The following KCNAB2 variants were observed in gnomAD, a reference collection of about 807,000 sequenced individuals.
KCNAB2 encodes the protein potassium voltage-gated channel subfamily A regulatory beta subunit 2, also known as voltage-gated potassium channel subunit beta-2.
KCNAB2 carries 29 observed loss-of-function variants against 63.6 expected under a neutral mutation model. The ratio of observed to expected loss-of-function variants is 0.46; its 90% CI spans 0.34 to 0.62. KCNAB2 has a LOEUF of 0.62. Ranked by LOEUF, KCNAB2 falls within the 20% of genes least tolerant of loss-of-function variation. KCNAB2 has a pLI of 0.01. For synonymous variants in KCNAB2, 222 were observed against 224.2 expected (o/e 0.99, Z 0.09); for missense variants, 359 against 563.9 (o/e 0.64, Z 3.68).
At chr1:6,040,415 C>T in intron 1 of KCNAB2, 1 of 667,156 alleles carries the variant, frequency 1.5e-6, no homozygotes, top group East Asian at 2.7e-5. Context: ...TGAACCCAGA[C>T]AGCCTCCTCA....
chr1:6,086,441 G>C lies in KCNAB2; in HGVS notation c.426-1026G>C. 3.2e-6 allele frequency: 3 copies of C among 925,476 alleles called. No homozygotes were observed. Among genetic ancestry groups the C allele is most frequent in the Non-Finnish European group, 3.9e-6 (3 of 775,270 alleles). The allele number at this position is 925,476 out of a possible 1,614,324, so 57.3% of individuals were successfully genotyped here. On this transcript the variant is annotated intron_variant, in intron 6 of 15. Transcript: ENST00000378083. The surrounding 1 kb of genome is among the most constrained non-coding windows in gnomAD (Gnocchi z 4.2). ...GGTGATCCCCCTTCCTGGAGGTGAC[G>C]CTGCCTCTGCCAGAGCTCTGTGGCC...
intron 1 of KCNAB2, among the ~76,000 whole-genome samples, chr1:6,039,503 A>G (rs1660324100): frequency 6.6e-6 from 1 of 152,106 alleles, no homozygotes; most frequent in Non-Finnish European, 1.5e-5. Context: ...ACGGCTGGAT[A>G]TTGGCAGCCA....
intron 1 of KCNAB2, among the ~76,000 whole-genome samples, chr1:6,039,692 A>G (rs139808430): frequency 0.015 from 2,241 of 151,684 alleles, 51 homozygotes; most frequent in African/African-American, 0.049. Context: ...CACCTTGGAA[A>G]CCTCTGGTAG....
chr1:6,059,223 C>T (rs1420035715), intron 2 of KCNAB2, among the ~76,000 whole-genome samples: 1 of 152,146 alleles, frequency 6.6e-6, no homozygotes, highest in East Asian at 1.9e-4. Context: ...CAGCGCCTTG[C>T]TCTGTCGCCC....
chr1:6,075,457 G>A (rs1663578944), intron 4 of KCNAB2, among the ~76,000 whole-genome samples: 1 of 152,260 alleles, frequency 6.6e-6, no homozygotes, highest in East Asian at 1.9e-4. Flanking sequence ...ATGACACCAA[G>A]CTGGAAGGAC....
chr1:6,084,620 A>T (rs566390588), intron 5 of KCNAB2, among the ~76,000 whole-genome samples: 9 of 152,286 alleles, frequency 5.9e-5, no homozygotes, highest in Admixed American at 3.3e-4. Flanking sequence ...GTTCGAGACC[A>T]GCCTGGCCAA....
At chr1:6,060,065 C>T (rs558783982) in intron 2 of KCNAB2, among the ~76,000 whole-genome samples, 1 of 152,234 alleles carries the variant, frequency 6.6e-6, no homozygotes, top group South Asian at 2.1e-4. Context: ...CTCCCACCAT[C>T]TGATGCGCCC....
At chr1:6,079,042 G>A (rs1663962510) in intron 4 of KCNAB2, among the ~76,000 whole-genome samples, 1 of 152,190 alleles carries the variant, frequency 6.6e-6, no homozygotes, top group Admixed American at 6.5e-5. Context: ...GGAAGCCGCG[G>A]CAGGGGCTGA....
intron 1 of KCNAB2, among the ~76,000 whole-genome samples, chr1:6,050,968 G>A (rs907004018): frequency 1.3e-5 from 2 of 152,210 alleles, no homozygotes; most frequent in Non-Finnish European, 2.9e-5. Flanking sequence ...CCCATGTTGG[G>A]GCCACCTGGC....
rs1047535355 is a variant in KCNAB2, at chr1:6,078,992, G to A, written c.301-3203G>A. On this transcript the variant is annotated intron_variant, in intron 4 of 15. Transcript: ENST00000378083. The surrounding 1 kb of genome is among the most constrained non-coding windows in gnomAD (Gnocchi z 4.2). ...GGCTCAGAGCAGGGTGGGCACCGTG[G>A]AGGTGGGGAGACGGGTCAGATTCTG... is the stretch of plus-strand genomic sequence containing the variant. Among the ~76,000 whole-genome samples the A allele has an allele frequency of 1.5e-4, 23 of 152,338 alleles. No homozygotes were observed. The highest frequency in any genetic ancestry group is 1.3e-3 in the Admixed American group (20 of 15,300).
intron 2 of KCNAB2, among the ~76,000 whole-genome samples, chr1:6,058,319 G>A (rs149733711): frequency 6.5e-4 from 99 of 152,210 alleles, no homozygotes; most frequent in African/African-American, 2.3e-3. Context: ...GACACATTTC[G>A]ACCTGCCACA....
intron 5 of KCNAB2, among the ~76,000 whole-genome samples, chr1:6,082,531 C>T (rs1205042388): frequency 6.6e-6 from 1 of 152,194 alleles, no homozygotes; most frequent in Non-Finnish European, 1.5e-5. Context: ...GCCAAAGATG[C>T]TGTGCTGGGT....
At chr1:6,015,468 C>T (rs59531860) in intron 1 of KCNAB2, among the ~76,000 whole-genome samples, 31,710 of 152,134 alleles carry the variant, frequency 0.21, 3,622 homozygotes, top group Non-Finnish European at 0.26. Context: ...GCTTTTGCAC[C>T]CAGAGTTGAG....
At position 6,071,076 on chromosome 1, in the gene KCNAB2, T is replaced by A. The variant is rs2100647658; in HGVS notation, c.219-1679T>A. ...TGCTTACAAATATTATATCCACTCA[T>A]GAGTTAGGAGTCCAGGAGCCTTATA... On this transcript the variant is annotated intron_variant, in intron 2 of 15. Coordinates refer to ENST00000378083, the MANE Select transcript of KCNAB2 (RefSeq NM_001199862.2). The surrounding 1 kb of genome is among the most constrained non-coding windows in gnomAD (Gnocchi z 8.5). Among the ~76,000 whole-genome samples, 1 of 152,304 alleles carries A rather than the reference T, an allele frequency of 6.6e-6. No homozygotes were observed. The highest frequency in any genetic ancestry group is 2.1e-4 in the South Asian group (1 of 4,828).
At chr1:6,019,098 C>T (rs1658675789) in intron 1 of KCNAB2, among the ~76,000 whole-genome samples, 1 of 152,056 alleles carries the variant, frequency 6.6e-6, no homozygotes. Flanking sequence ...CTGAGACCAG[C>T]CTGGGCAACA....
rs1420651758 is a variant in KCNAB2 at position 6,096,951 on chromosome 1, G to A, written c.1069+195G>A. Reference sequence around the variant, plus strand: ...GGTTGGGACCCCATGCCTCTAGGGGGATGTCAGGAGTCCCTGAGGACCTGG... The same window carrying A: ...GGTTGGGACCCCATGCCTCTAGGGGAATGTCAGGAGTCCCTGAGGACCTGG... On this transcript the variant is annotated intron_variant, in intron 14 of 15. Coordinates refer to ENST00000378083, the MANE Select transcript of KCNAB2 (RefSeq NM_001199862.2). This position sits in a 1 kb window ranked among gnomAD's most constrained non-coding sequence, Gnocchi z 5.9. 2.6e-5 allele frequency among the ~76,000 whole-genome samples: 4 copies of A among 152,172 alleles called. No homozygotes were observed. Among genetic ancestry groups the A allele is most frequent in the Admixed American group, 2.6e-4 (4 of 15,292 alleles).
At chr1:6,095,183 T>C in intron 11 of KCNAB2, 140 bp from the exon 12 acceptor site, 1 of 856,670 alleles carries the variant, frequency 1.2e-6, no homozygotes, top group South Asian at 1.7e-5. Flanking sequence ...AAGCTATGAG[T>C]GTGAGCAGTG....
At chr1:6,044,095 G>C (rs559300851), upstream of KCNAB2, among the ~76,000 whole-genome samples, 207 of 152,310 alleles carry the variant, frequency 1.4e-3, no homozygotes, top group Non-Finnish European at 2.5e-3. Context: ...TCAGAGCGCT[G>C]TCACCTCTGC....
chr1:6,017,406 C>CTGTGTGTGTGTGTGTGTGTGTGTGTG (rs56202547), intron 1 of KCNAB2, among the ~76,000 whole-genome samples: 1 of 147,188 alleles, frequency 6.8e-6, no homozygotes, highest in African/African-American at 2.5e-5. Context: ...CCATACCTGG[C>CTGTGTGTGTGTGTGTGTGTGTGTGTG]TGTGTGTGTG....
Sources: gnomAD v4.1 joint callset for allele counts (sites outside exome capture counted in the v4.1 genomes callset) on GRCh38, gnomAD v4.1.1 for gene constraint, Gnocchi (gnomAD v3.1) non-coding constraint, MANE v1.5 for transcripts, NCBI Gene and HGNC (gene_info 2026-07-23, HGNC 2026-07-21) for gene names.